GRIP1: variants seen among roughly 807,000 people sequenced by gnomAD.
The protein encoded by GRIP1 is glutamate receptor-interacting protein 1.
A neutral mutation model predicts 129.9 loss-of-function variants in GRIP1; 45 were observed. The ratio of observed to expected loss-of-function variants is 0.35; its 90% CI spans 0.27 to 0.44. GRIP1 has a LOEUF of 0.44. Among genes scored for constraint, GRIP1 ranks in the 20% least tolerant of loss-of-function variants. The pLI is 1.00. For missense variants in GRIP1, 1,196 were observed against 1,396.8 expected (o/e 0.86, Z 2.29); for synonymous variants, 530 against 520.8 (o/e 1.02, Z -0.24).
At chr12:66,400,357 C>T (rs1301703549) in intron 16 of GRIP1, among the ~76,000 whole-genome samples, 1 of 152,136 alleles carries the variant, frequency 6.6e-6, no homozygotes, top group Admixed American at 6.5e-5. Context: ...TTCTTGCCAA[C>T]ACACCTCTTT....
At chr12:66,861,689 A>C (rs2040115327) in intron 1 of GRIP1, among the ~76,000 whole-genome samples, 1 of 152,118 alleles carries the variant, frequency 6.6e-6, no homozygotes, top group Admixed American at 6.6e-5. Context: ...ATAAAATAAT[A>C]GTTCACACTA....
intron 1 of GRIP1, among the ~76,000 whole-genome samples, chr12:66,970,503 A>C (rs1310399851): frequency 1.3e-5 from 2 of 151,282 alleles, no homozygotes; most frequent in East Asian, 3.9e-4. Context: ...TGTTTGCTAT[A>C]AATGTGGTTG....
At chr12:66,656,481 T>C (rs755332102) in intron 1 of GRIP1, among the ~76,000 whole-genome samples, 14 of 152,142 alleles carry the variant, frequency 9.2e-5, no homozygotes, top group Non-Finnish European at 2.1e-4. Context: ...CAGTGTGACA[T>C]TACCACTTCC....
intron 9 of GRIP1, among the ~76,000 whole-genome samples, chr12:66,460,740 G>C (rs1352633419): frequency 6.6e-6 from 1 of 152,146 alleles, no homozygotes; most frequent in African/African-American, 2.4e-5. Context: ...CACTGTTCAG[G>C]CATCAGAGAT....
chr12:66,598,839 T>G (rs993808556), intron 1 of GRIP1, among the ~76,000 whole-genome samples: 3 of 152,190 alleles, frequency 2.0e-5, no homozygotes, highest in Admixed American at 6.6e-5. Flanking sequence ...GTTTTCTATT[T>G]GTCAAGATTC....
intron 1 of GRIP1, among the ~76,000 whole-genome samples, chr12:67,050,582 A>G (rs1054491755): frequency 6.6e-6 from 1 of 152,204 alleles, no homozygotes; most frequent in South Asian, 2.1e-4. Flanking sequence ...AGAAAACATC[A>G]AGAAAGTTCA....
intron 22 of GRIP1, among the ~76,000 whole-genome samples, chr12:66,374,315 G>A (rs961419292): frequency 1.3e-5 from 2 of 151,976 alleles, no homozygotes; most frequent in Non-Finnish European, 2.9e-5. Flanking sequence ...AGCCTCCCAA[G>A]TAGCTGGGAT....
At chr12:66,470,676 G>C (rs2059414437) in intron 7 of GRIP1, among the ~76,000 whole-genome samples, 1 of 152,172 alleles carries the variant, frequency 6.6e-6, no homozygotes, top group Non-Finnish European at 1.5e-5. Flanking sequence ...ATGGGGTAGA[G>C]TATGCTGTTT....
chr12:66,640,975 T>G (rs2031870052), intron 1 of GRIP1, among the ~76,000 whole-genome samples: 2 of 151,650 alleles, frequency 1.3e-5, no homozygotes. Flanking sequence ...AACGCAAGAG[T>G]GCCAATAACT....
chr12:67,017,677 T>G (rs2042808314), intron 1 of GRIP1, among the ~76,000 whole-genome samples: 1 of 151,826 alleles, frequency 6.6e-6, no homozygotes, highest in Non-Finnish European at 1.5e-5. Flanking sequence ...GTTGGCCAGC[T>G]CCAGGTCTAG....
At chr12:66,860,947 T>C (rs1298318600) in intron 1 of GRIP1, among the ~76,000 whole-genome samples, 1 of 152,006 alleles carries the variant, frequency 6.6e-6, no homozygotes, top group African/African-American at 2.4e-5. Flanking sequence ...TCAAGGCCAT[T>C]ACACTATGCT....
chr12:66,599,866 T>C (rs2064202967), intron 1 of GRIP1, among the ~76,000 whole-genome samples: 1 of 152,246 alleles, frequency 6.6e-6, no homozygotes, highest in East Asian at 1.9e-4. Flanking sequence ...CTAAATTGAG[T>C]CTAGATGAAA....
At chr12:66,850,500 C>T (rs944407460) in intron 1 of GRIP1, among the ~76,000 whole-genome samples, 12 of 152,066 alleles carry the variant, frequency 7.9e-5, no homozygotes, top group African/African-American at 2.9e-4. Flanking sequence ...ATGGACCTCA[C>T]ATTTTCTATC....
chr12:66,504,247 A>G (rs527407098), intron 7 of GRIP1, among the ~76,000 whole-genome samples: 21 of 152,284 alleles, frequency 1.4e-4, no homozygotes, highest in African/African-American at 4.8e-4. Context: ...GCAAATTCCA[A>G]CTTCTCAAAA....
At chr12:66,721,737 T>C (rs2036063928) in intron 1 of GRIP1, among the ~76,000 whole-genome samples, 1 of 152,232 alleles carries the variant, frequency 6.6e-6, no homozygotes, top group Non-Finnish European at 1.5e-5. Context: ...TAAGGCTGCT[T>C]AATCTACAAT....
intron 1 of GRIP1, among the ~76,000 whole-genome samples, chr12:66,634,004 G>T (rs777853524): frequency 6.6e-6 from 1 of 152,148 alleles, no homozygotes; most frequent in Non-Finnish European, 1.5e-5. Context: ...GACATAAAAT[G>T]GTTTATGTTC....
At chr12:66,739,084 C>T (rs1386842317) in intron 1 of GRIP1, among the ~76,000 whole-genome samples, 1 of 152,128 alleles carries the variant, frequency 6.6e-6, no homozygotes, top group East Asian at 1.9e-4. Flanking sequence ...ATAATGTGCT[C>T]TGGTCACGAT....
intron 1 of GRIP1, among the ~76,000 whole-genome samples, chr12:66,656,243 A>G (rs959890460): frequency 7.2e-5 from 11 of 152,314 alleles, no homozygotes; most frequent in Middle Eastern, 3.4e-3. Flanking sequence ...ACAGCTTGGA[A>G]ACTGGCAGCC....
At chr12:66,899,729 C>A (rs570026120) in intron 1 of GRIP1, among the ~76,000 whole-genome samples, 3 of 152,168 alleles carry the variant, frequency 2.0e-5, no homozygotes, top group African/African-American at 7.2e-5. Flanking sequence ...ACTTCAATTG[C>A]TCATGCATGC....
Sources: gnomAD v4.1 joint callset for allele counts (sites outside exome capture counted in the v4.1 genomes callset) on GRCh38, gnomAD v4.1.1 for gene constraint, MANE v1.5 for transcripts, NCBI Gene and HGNC (gene_info 2026-07-23, HGNC 2026-07-21) for gene names.